The following TDRKH variants were observed in gnomAD, a reference collection of about 807,000 sequenced individuals.
TDRKH encodes tudor and KH domain containing.
A neutral mutation model predicts 61.3 loss-of-function variants in TDRKH; 28 were observed. That is an observed-to-expected ratio of 0.46 (90% CI 0.34 to 0.63). TDRKH has a LOEUF of 0.63. Ranked by LOEUF, TDRKH falls within the 20% of genes least tolerant of loss-of-function variation. TDRKH has a pLI of 0.01. For missense variants in TDRKH, 540 were observed against 683.4 expected (o/e 0.79, Z 2.34); for synonymous variants, 219 against 244.4 (o/e 0.90, Z 0.97).
chr1:151,771,362 T>A, downstream of TDRKH: 9 of 1,460,382 alleles, frequency 6.2e-6, no homozygotes, highest in Non-Finnish European at 8.1e-6. Flanking sequence ...GGGGGGTGGG[T>A]AATAGGGTTG....
chr1:151,771,800 AG>A (rs1367166422), downstream of TDRKH: 1 of 396,466 alleles, frequency 2.5e-6, no homozygotes, highest in African/African-American at 2.1e-5. Context: ...GGCATATTAA[AG>A]AAAAAGACTT....
intron 6 of TDRKH, among the ~76,000 whole-genome samples, chr1:151,778,173 T>C (rs144980359): frequency 6.6e-6 from 1 of 152,140 alleles, no homozygotes; most frequent in Non-Finnish European, 1.5e-5. Flanking sequence ...ATAAAATGCA[T>C]ACAGTGAAGG....
chr1:151,771,327 A>C, downstream of TDRKH: 4 of 1,525,212 alleles, frequency 2.6e-6, no homozygotes, highest in Non-Finnish European at 3.5e-6. Flanking sequence ...GGGTAGTGCA[A>C]TCATCAAGTG....
At chr1:151,781,081 C>T (rs1176734239) in intron 3 of TDRKH, among the ~76,000 whole-genome samples, 2 of 151,038 alleles carry the variant, frequency 1.3e-5, no homozygotes, top group South Asian at 2.1e-4. Context: ...TCTGGGAGGC[C>T]GAGGCAGGCG....
In TDRKH at chr1:151,781,210, G is replaced by A. The variant is rs554201284; in HGVS notation, c.231+271C>T. Among the ~76,000 whole-genome samples the A allele has an allele frequency of 1.1e-4, 16 of 150,938 alleles. 1 individual carries two copies. In the South Asian group the frequency reaches 2.5e-3, roughly 24 times the overall value. ...CGGGTGCCTGTAATCCCAGCTACTC[G>A]GGAGGCTGAGGCAGGAGAATCACTT... On this transcript the variant is annotated intron_variant, in intron 3 of 12. Transcript: ENST00000368824.
At chr1:151,774,639 C>T in intron 12 of TDRKH, 71 bp downstream of exon 12, 1 of 1,594,712 alleles carries the variant, frequency 6.3e-7, no homozygotes, top group Non-Finnish European at 8.6e-7. Context: ...AATTAACCTC[C>T]CTACTCTGGA....
At chr1:151,767,559 G>A (rs2101553870), downstream of TDRKH, 1 of 581,422 alleles carries the variant, frequency 1.7e-6, no homozygotes, top group Non-Finnish European at 2.6e-6. Flanking sequence ...AGGACTTCTG[G>A]GACATAAAGC....
In TDRKH at chr1:151,776,605, C is replaced by G. The variant is rs1449435020; in HGVS notation, c.884-6G>C. ...ACTGAAGTCAGGACTGGGGACTGAACACAGAGATAAGGATGGTGGCCACAT... is the reference window on the plus strand; with the variant it reads ...ACTGAAGTCAGGACTGGGGACTGAAGACAGAGATAAGGATGGTGGCCACAT... On this transcript the variant is annotated splice_polypyrimidine_tract_variant and splice_region_variant and intron_variant, in intron 6 of 12. Transcript: ENST00000368824. The G allele has an allele frequency of 6.2e-7, 1 of 1,613,682 alleles. No individual in the cohort carries two copies. Among genetic ancestry groups the G allele is most frequent in the African/African-American group, 1.3e-5 (1 of 74,894 alleles).
In TDRKH at chr1:151,774,709, C is replaced by G; in HGVS notation, c.1633+1G>C. On this transcript the variant is annotated splice_donor_variant, in intron 12 of 12. Coordinates refer to ENST00000368824, the MANE Select transcript of TDRKH (RefSeq NM_001083965.2). LOFTEE classifies it high-confidence loss of function. The stretch of plus-strand genomic sequence containing the variant: ...CTCTAGGGAGGAAATACTGCTTGTA[C>G]CTGATAAGCTGAGGCAGGACAGGGT... 6.2e-7 allele frequency: 1 copy of G among 1,614,042 alleles called. No homozygotes were observed. Among genetic ancestry groups the G allele is most frequent in the Non-Finnish European group, 8.5e-7 (1 of 1,179,948 alleles).
chr1:151,768,258 G>A (rs1018962263), downstream of TDRKH: 5 of 1,595,438 alleles, frequency 3.1e-6, no homozygotes, highest in African/African-American at 1.3e-5. Flanking sequence ...ATGGGAGAAT[G>A]GGGAGGGAAT....
chr1:151,773,045 A>G (rs939898077), downstream of TDRKH, among the ~76,000 whole-genome samples: 4 of 149,916 alleles, frequency 2.7e-5, no homozygotes, highest in Non-Finnish European at 5.9e-5. Context: ...TGTATTTTGT[A>G]TTTTTGTATT....
chr1:151,766,541 A>T (rs139681522), downstream of TDRKH: 1,146 of 633,652 alleles, frequency 1.8e-3, 11 homozygotes, highest in African/African-American at 0.017. Flanking sequence ...CTAGTCGAAT[A>T]TGAGCCTTGG....
intron 1 of TDRKH, among the ~76,000 whole-genome samples, chr1:151,787,264 G>A (rs1650408174): frequency 6.6e-6 from 1 of 152,160 alleles, no homozygotes; most frequent in South Asian, 2.1e-4. Flanking sequence ...TGTTGCCCAG[G>A]CTGGAGTGCA....
At chr1:151,770,135 C>T (rs770363840), downstream of TDRKH, 28 of 1,609,122 alleles carry the variant, frequency 1.7e-5, 1 homozygote, top group Admixed American at 5.0e-5. Flanking sequence ...GGAGAGGGAG[C>T]GGCCAAACAT....
downstream of TDRKH, chr1:151,768,193 G>GAT: frequency 6.2e-7 from 1 of 1,613,788 alleles, no homozygotes; most frequent in Non-Finnish European, 8.5e-7. Context: ...ACTCTTCCTG[G>GAT]ATATCCCATA....
downstream of TDRKH, chr1:151,771,210 G>A (rs1386839554): frequency 1.9e-6 from 3 of 1,613,434 alleles, no homozygotes; most frequent in Non-Finnish European, 2.5e-6. Flanking sequence ...TGCCCAGTGA[G>A]CCTCCTTGAA....
chr1:151,783,965 C>T (rs1026843729), intron 1 of TDRKH, among the ~76,000 whole-genome samples: 3 of 152,236 alleles, frequency 2.0e-5, no homozygotes, highest in Non-Finnish European at 4.4e-5. Context: ...TGCTGCCAAG[C>T]AAATTTTAAC....
chr1:151,769,707 G>A (rs1648564666), downstream of TDRKH, among the ~76,000 whole-genome samples: 1 of 152,172 alleles, frequency 6.6e-6, no homozygotes, highest in African/African-American at 2.4e-5. Context: ...TCGGCACTTT[G>A]GGAGGCCAAG....
chr1:151,775,868 GGCTTAGGAAGT>G lies in TDRKH; in HGVS notation c.1223_1233del (p.Asp408AlafsTer9). 1 of 1,613,164 alleles carries G rather than the reference GGCTTAGGAAGT, an allele frequency of 6.2e-7. No individual in the cohort carries two copies. The highest frequency in any genetic ancestry group is 8.5e-7 in the Non-Finnish European group (1 of 1,179,184). ...CTACATTCTATTGCTTGAAATGGAA[GGCTTAGGAAGT>G]CACTCCTGAAGTAAAAGAAACTAAA... On this transcript the variant is annotated frameshift_variant, in exon 9 of 13. Coordinates refer to ENST00000368824, the MANE Select transcript of TDRKH (RefSeq NM_001083965.2). LOFTEE classifies it high-confidence loss of function.
Sources: gnomAD v4.1 joint callset for allele counts (sites outside exome capture counted in the v4.1 genomes callset) on GRCh38, gnomAD v4.1.1 for gene constraint, MANE v1.5 for transcripts, NCBI Gene and HGNC (gene_info 2026-07-23, HGNC 2026-07-21) for gene names.